Variants in PTPRD observed in about 807,000 individuals in gnomAD.
PTPRD encodes the protein receptor-type tyrosine-protein phosphatase delta.
A neutral mutation model predicts 214.5 loss-of-function variants in PTPRD; 34 were observed. The observed-to-expected ratio is 0.16, with a 90% confidence interval of 0.12 to 0.21. The LOEUF (loss-of-function observed/expected upper bound fraction) is 0.21, where lower values mean the gene tolerates loss of function less well. Among genes scored for constraint, PTPRD ranks in the 10% least tolerant of loss-of-function variants. The pLI is 1.00. For missense variants in PTPRD, 2,545 were observed against 2,398.7 expected (o/e 1.06, Z -1.27); for synonymous variants, 1,128 against 845.7 (o/e 1.33, Z -5.79).
At chr9:8,708,888 T>C (rs1191989862) in intron 12 of PTPRD, among the ~76,000 whole-genome samples, 5 of 152,076 alleles carry the variant, frequency 3.3e-5, no homozygotes, top group Non-Finnish European at 5.9e-5. Context: ...CGTCCTATTA[T>C]GTACACAGTG....
chr9:9,842,083 T>G (rs1033881747), intron 5 of PTPRD, among the ~76,000 whole-genome samples: 2 of 151,974 alleles, frequency 1.3e-5, no homozygotes, highest in Non-Finnish European at 2.9e-5. Flanking sequence ...AGGATATTTT[T>G]GGATGTATAT....
chr9:9,754,974 T>C (rs2098554694), intron 6 of PTPRD, among the ~76,000 whole-genome samples: 1 of 152,076 alleles, frequency 6.6e-6, no homozygotes. Flanking sequence ...GCTTCCAGTG[T>C]TTATCAAAGG....
chr9:10,449,572 G>A (rs866224661), intron 2 of PTPRD, among the ~76,000 whole-genome samples: 12 of 151,322 alleles, frequency 7.9e-5, no homozygotes, highest in African/African-American at 2.4e-4. Context: ...CTGCCCGGCC[G>A]CCATCCCGTC....
At chr9:8,597,237 G>A (rs1400082237) in intron 14 of PTPRD, among the ~76,000 whole-genome samples, 2 of 151,996 alleles carry the variant, frequency 1.3e-5, no homozygotes, top group Non-Finnish European at 2.9e-5. Context: ...AGCTTACAGG[G>A]ATTCTAGTTA....
At chr9:8,360,806 G>A (rs1181482424) in intron 39 of PTPRD, among the ~76,000 whole-genome samples, 2 of 152,102 alleles carry the variant, frequency 1.3e-5, no homozygotes, top group Non-Finnish European at 2.9e-5. Context: ...ATTCCAAGGG[G>A]GGACAAATAG....
intron 7 of PTPRD, among the ~76,000 whole-genome samples, chr9:9,592,158 G>A (rs2092798625): frequency 6.6e-6 from 1 of 151,960 alleles, no homozygotes; most frequent in Admixed American, 6.6e-5. Flanking sequence ...AATAACTGGA[G>A]AATCATTTTC....
At chr9:9,707,907 T>G (rs1262770540) in intron 7 of PTPRD, among the ~76,000 whole-genome samples, 1 of 152,060 alleles carries the variant, frequency 6.6e-6, no homozygotes, top group Non-Finnish European at 1.5e-5. Context: ...TTATTTTCTC[T>G]CTTTCATTGT....
At chr9:9,950,891 ATAATTTCTGTTC>A (rs2093393856) in intron 4 of PTPRD, among the ~76,000 whole-genome samples, 1 of 152,160 alleles carries the variant, frequency 6.6e-6, no homozygotes, top group African/African-American at 2.4e-5. Context: ...GTAGCAGCAC[ATAATTTCTGTTC>A]TAATTTCTGG....
At chr9:9,253,139 T>A (rs892802910) in intron 9 of PTPRD, among the ~76,000 whole-genome samples, 1 of 152,082 alleles carries the variant, frequency 6.6e-6, no homozygotes, top group Non-Finnish European at 1.5e-5. Flanking sequence ...GAATTCAGTC[T>A]TCTTATCTCT....
At chr9:9,853,008 C>T (rs1305664917) in intron 5 of PTPRD, among the ~76,000 whole-genome samples, 1 of 152,156 alleles carries the variant, frequency 6.6e-6, no homozygotes, top group Non-Finnish European at 1.5e-5. Context: ...ACCCTTATAG[C>T]ATCATGTACA....
intron 2 of PTPRD, among the ~76,000 whole-genome samples, chr9:10,513,948 T>C (rs1177603992): frequency 2.0e-5 from 3 of 152,144 alleles, no homozygotes; most frequent in Admixed American, 6.6e-5. Flanking sequence ...ATAAAGTTAC[T>C]TCAAAGAAGG....
intron 11 of PTPRD, among the ~76,000 whole-genome samples, chr9:8,983,622 C>T (rs987522718): frequency 3.3e-5 from 5 of 152,048 alleles, no homozygotes; most frequent in African/African-American, 1.2e-4. Context: ...AATCCTCCTG[C>T]CTCAGCCTCC....
intron 14 of PTPRD, among the ~76,000 whole-genome samples, chr9:8,602,704 A>G (rs1366977544): frequency 6.6e-6 from 1 of 152,224 alleles, no homozygotes; most frequent in East Asian, 1.9e-4. Flanking sequence ...ACCTGCATCA[A>G]TATTTTTCCA....
intron 11 of PTPRD, among the ~76,000 whole-genome samples, chr9:8,780,513 G>A (rs2095652768): frequency 1.3e-5 from 2 of 152,176 alleles, no homozygotes; most frequent in South Asian, 2.1e-4. Context: ...TTGCAACACT[G>A]GGAGAAGGAG....
At chr9:10,450,462 C>T (rs1467511899) in intron 2 of PTPRD, among the ~76,000 whole-genome samples, 1 of 151,860 alleles carries the variant, frequency 6.6e-6, no homozygotes, top group Non-Finnish European at 1.5e-5. Flanking sequence ...GAGAGATTTT[C>T]AAGAATGTGC....
intron 8 of PTPRD, among the ~76,000 whole-genome samples, chr9:9,542,199 G>A (rs926597482): frequency 2.0e-5 from 3 of 151,722 alleles, no homozygotes; most frequent in African/African-American, 7.3e-5. Context: ...ACAAACCCTG[G>A]AGACAGTATA....
At chr9:9,018,025 C>T (rs745619656) in intron 11 of PTPRD, among the ~76,000 whole-genome samples, 9 of 152,002 alleles carry the variant, frequency 5.9e-5, no homozygotes, top group Non-Finnish European at 1.2e-4. Flanking sequence ...TATTTGTTTA[C>T]TCTATTTGTT....
intron 7 of PTPRD, among the ~76,000 whole-genome samples, chr9:9,602,863 T>C (rs1326774): frequency 6.6e-6 from 1 of 152,136 alleles, no homozygotes; most frequent in Non-Finnish European, 1.5e-5. Flanking sequence ...TATGTCTATG[T>C]GAATGATTCA....
intron 6 of PTPRD, among the ~76,000 whole-genome samples, chr9:9,738,543 A>C (rs1018205320): frequency 5.6e-5 from 8 of 142,064 alleles, no homozygotes; most frequent in African/African-American, 2.2e-4. Context: ...TCCTGGGTTC[A>C]AGTGATTCTC....
Sources: gnomAD v4.1 joint callset for allele counts (sites outside exome capture counted in the v4.1 genomes callset) on GRCh38, gnomAD v4.1.1 for gene constraint, MANE v1.5 for transcripts, NCBI Gene and HGNC (gene_info 2026-07-23, HGNC 2026-07-21) for gene names.